Variants in LATS1 observed in about 807,000 individuals in gnomAD.
The protein encoded by LATS1 is large tumor suppressor kinase 1, also known as serine/threonine-protein kinase LATS1.
A neutral mutation model predicts 106.6 loss-of-function variants in LATS1; 25 were observed. That is an observed-to-expected ratio of 0.23 (90% CI 0.17 to 0.33). The LOEUF (loss-of-function observed/expected upper bound fraction) is 0.33. Ranked by LOEUF, LATS1 falls within the 10% of genes least tolerant of loss-of-function variation. The pLI is 1.00. For synonymous variants in LATS1, 465 were observed against 455.6 expected (o/e 1.02, Z -0.26); for missense variants, 1,040 against 1,382.6 (o/e 0.75, Z 3.93).
intron 3 of LATS1, among the ~76,000 whole-genome samples, chr6:149,694,421 C>A (rs764021187): frequency 1.3e-5 from 2 of 152,136 alleles, no homozygotes; most frequent in African/African-American, 4.8e-5. Context: ...GTAAGCCTCC[C>A]GCATCAGTCT....
At chr6:149,711,776 A>G (rs575677553) in intron 1 of LATS1, among the ~76,000 whole-genome samples, 67 of 152,214 alleles carry the variant, frequency 4.4e-4, no homozygotes, top group Non-Finnish European at 7.9e-4. Flanking sequence ...TCAGGGTCCA[A>G]TCTCCCCTAC....
At chr6:149,669,159 G>A (rs1400478661) in intron 7 of LATS1, among the ~76,000 whole-genome samples, 4 of 149,720 alleles carry the variant, frequency 2.7e-5, no homozygotes, top group Non-Finnish European at 4.4e-5. Flanking sequence ...TGATTGAGAC[G>A]GCGTCTCTCT....
At chr6:149,717,634 T>G in intron 1 of LATS1, 1 of 160,746 alleles carries the variant, frequency 6.2e-6, no homozygotes, top group South Asian at 1.3e-4. Flanking sequence ...GGGCTCTTCC[T>G]GCAGCACCGG....
chr6:149,708,162 G>A (rs1203067520), intron 1 of LATS1, among the ~76,000 whole-genome samples: 3 of 151,978 alleles, frequency 2.0e-5, no homozygotes, highest in African/African-American at 7.3e-5. Flanking sequence ...ATTTATCAGG[G>A]GAAATAACAG....
intron 2 of LATS1, among the ~76,000 whole-genome samples, chr6:149,701,173 G>C (rs1393660076): frequency 6.6e-6 from 1 of 152,238 alleles, no homozygotes; most frequent in South Asian, 2.1e-4. Context: ...TGCTTACAAG[G>C]TATGTTATCA....
intron 3 of LATS1, among the ~76,000 whole-genome samples, chr6:149,694,859 G>C (rs887731482): frequency 6.6e-6 from 1 of 152,140 alleles, no homozygotes; most frequent in African/African-American, 2.4e-5. Context: ...TCTCAATCTA[G>C]ACTGCTGCTT....
chr6:149,671,605 C>T (rs1781449348), intron 7 of LATS1, among the ~76,000 whole-genome samples: 1 of 152,004 alleles, frequency 6.6e-6, no homozygotes. Context: ...CTGTTTGCCA[C>T]TATCTTACTG....
At chr6:149,685,237 C>CA (rs1255560977) in intron 3 of LATS1, among the ~76,000 whole-genome samples, 1 of 150,308 alleles carries the variant, frequency 6.7e-6, no homozygotes, top group Non-Finnish European at 1.5e-5. Flanking sequence ...GACTCCATCT[C>CA]AAAAAAAATA....
chr6:149,662,257 ATT>A lies in LATS1; in HGVS notation c.2884-21_2884-20del. On this transcript the variant is annotated intron_variant, in intron 7 of 7. Coordinates refer to ENST00000543571, the MANE Select transcript of LATS1 (RefSeq NM_004690.4). ...TGATAACCTTTAAAGATTTTTTAAA[ATT>A]AGGGGGAAGAGATAAATTAGAAAAA... is the stretch of plus-strand genomic sequence containing the variant. 6.5e-7 allele frequency: 1 copy of A among 1,537,566 alleles called. No homozygotes were observed.
chr6:149,669,897 C>A (rs1015894664), intron 7 of LATS1, among the ~76,000 whole-genome samples: 3 of 151,480 alleles, frequency 2.0e-5, no homozygotes, highest in African/African-American at 7.3e-5. Flanking sequence ...TTAGGCTGGG[C>A]GTGATGGCTC....
chr6:149,692,921 G>A (rs369130227), intron 3 of LATS1, among the ~76,000 whole-genome samples: 4 of 151,644 alleles, frequency 2.6e-5, no homozygotes, highest in East Asian at 2.0e-4. Context: ...TGATCTGCCC[G>A]CCTTGGCCTC....
In LATS1 at chr6:149,702,208, T is replaced by C; in HGVS notation, c.-82A>G. 3 of 901,660 alleles carry C rather than the reference T, an allele frequency of 3.3e-6. No homozygotes were observed. The South Asian group carries it at 5.0e-5, about 15-fold the overall frequency. 55.9% of individuals were successfully genotyped at this position (901,660 alleles called of 1,614,324 possible). A position where few individuals can be genotyped will look rare whatever the true frequency, so the allele number is the denominator to read the frequency against. On this transcript the variant is annotated 5_prime_UTR_variant, in exon 2 of 8. Coordinates refer to ENST00000543571, the MANE Select transcript of LATS1 (RefSeq NM_004690.4). Reference sequence around the variant, plus strand: ...GCTTTCTTCTGAGCAAAAGTGAAAATGATCCTTCAAGGAAGTCCCCAGGAC... The same window carrying C: ...GCTTTCTTCTGAGCAAAAGTGAAAACGATCCTTCAAGGAAGTCCCCAGGAC...
Position 149,659,091 on chromosome 6 carries a change from T to C in LATS1, c.*2638A>G, listed in dbSNP as rs889031635. The C allele has an allele frequency of 1.3e-5, 2 of 156,958 alleles. No homozygotes were observed. Among genetic ancestry groups the C allele is most frequent in the South Asian group, 4.1e-4 (2 of 4,874 alleles). The allele number at this position is 156,958 out of a possible 1,614,324, so 9.7% of individuals were successfully genotyped here. On this transcript the variant is annotated 3_prime_UTR_variant, in exon 8 of 8. Transcript: ENST00000543571. ...AGATAGCTGATAAGTATATCCAAAC[T>C]GTTAAAATTGCTGATACCAAAGGCA...
rs1249507612 is a variant in LATS1, at chr6:149,668,611, T to TG, written c.2884-6374_2884-6373insC. ...CCACCATCCACCATGCCCAGCTATT[T>TG]TTTTTTTTTTTTGGTAGAGACACTG... On this transcript the variant is annotated intron_variant, in intron 7 of 7. Coordinates refer to ENST00000543571, the MANE Select transcript of LATS1 (RefSeq NM_004690.4). Among the ~76,000 whole-genome samples the TG allele has an allele frequency of 8.7e-5, 13 of 148,950 alleles. 1 individual carries two copies. In the Admixed American group the frequency reaches 8.8e-4, roughly 10 times the overall value.
At chr6:149,678,884 C>T (rs561436264) in intron 5 of LATS1, among the ~76,000 whole-genome samples, 1 of 152,112 alleles carries the variant, frequency 6.6e-6, no homozygotes, top group African/African-American at 2.4e-5. Context: ...AAAATAGGAT[C>T]AAGGATCATA....
At chr6:149,674,122 T>G (rs1781586992) in intron 7 of LATS1, among the ~76,000 whole-genome samples, 1 of 151,974 alleles carries the variant, frequency 6.6e-6, no homozygotes, top group African/African-American at 2.4e-5. Flanking sequence ...TTGCCCAGGC[T>G]GGAGTGCAAT....
intron 1 of LATS1, among the ~76,000 whole-genome samples, chr6:149,712,155 A>C (rs1035676135): frequency 1.3e-5 from 2 of 152,002 alleles, no homozygotes; most frequent in African/African-American, 4.8e-5. Context: ...ATAACATAAT[A>C]CCGTGAACAT....
At position 149,684,172 on chromosome 6, in the gene LATS1, T is replaced by C. The variant is rs370239476; in HGVS notation, c.917A>G (p.Asn306Ser). Residue 306 changes from asparagine (N) to serine (S), a missense_variant, in exon 4 of 8, where the codon AAC (asparagine) becomes AGC (serine). This residue lies in a region of LATS1 where 624 missense variants were observed against 714.8 expected (regional missense o/e 0.87). Coordinates refer to ENST00000543571, the MANE Select transcript of LATS1 (RefSeq NM_004690.4). ...WQEGYPPPPL[N>S]TSPMNPPNQG... is the part of the protein sequence containing the mutation. Reference sequence around the variant, plus strand: ...ATTAGGAGGATTCATGGGGGAAGTGTTGAGAGGTGGTGGAGGATAGCCCTC... The same window carrying C: ...ATTAGGAGGATTCATGGGGGAAGTGCTGAGAGGTGGTGGAGGATAGCCCTC... 2 of 1,613,994 alleles carry C rather than the reference T, an allele frequency of 1.2e-6. No individual in the cohort carries two copies. The highest frequency in any genetic ancestry group is 1.7e-6 in the Non-Finnish European group (2 of 1,180,034).
intron 1 of LATS1, among the ~76,000 whole-genome samples, chr6:149,717,291 G>A (rs139936235): frequency 1.9e-4 from 29 of 152,224 alleles, no homozygotes; most frequent in African/African-American, 6.7e-4. Context: ...CTTAATTGTC[G>A]TTCCTTCATT....
Sources: allele counts gnomAD v4.1 joint callset (sites outside exome capture counted in the v4.1 genomes callset), GRCh38; gene constraint gnomAD v4.1.1; regional missense constraint gnomAD v4.1.1; transcripts MANE v1.5; gene names NCBI Gene and HGNC (gene_info 2026-07-23, HGNC 2026-07-21).